Variants in PDE4B observed in about 807,000 individuals in gnomAD.
PDE4B encodes the protein phosphodiesterase 4B.
In PDE4B, 20 loss-of-function variants were observed where a neutral mutation model predicts 82.2. The ratio of observed to expected loss-of-function variants is 0.24; its 90% CI spans 0.17 to 0.35. PDE4B has a LOEUF of 0.35. Ranked by LOEUF, PDE4B falls within the 10% of genes least tolerant of loss-of-function variation. The pLI, the probability that PDE4B is intolerant of heterozygous loss-of-function variation, is 1.00. For synonymous variants in PDE4B, 320 were observed against 318.9 expected (o/e 1.00, Z -0.04); for missense variants, 655 against 907.2 (o/e 0.72, Z 3.57).
chr1:66,173,711 T>A (rs180709062), intron 3 of PDE4B, among the ~76,000 whole-genome samples: 1 of 152,354 alleles, frequency 6.6e-6, no homozygotes, highest in African/African-American at 2.4e-5. Context: ...TCTGTTTTTA[T>A]GTAACTCACT....
chr1:65,914,634 C>A (rs757693191), intron 2 of PDE4B, among the ~76,000 whole-genome samples: 1 of 149,996 alleles, frequency 6.7e-6, no homozygotes, highest in Non-Finnish European at 1.5e-5. Context: ...GTGATTGTCC[C>A]TTAATACTAT....
intron 3 of PDE4B, among the ~76,000 whole-genome samples, chr1:66,155,172 G>C (rs1646478493): frequency 6.6e-6 from 1 of 152,126 alleles, no homozygotes. Flanking sequence ...CTGAAATCAA[G>C]ATGGAAGCCA....
At chr1:65,929,701 T>C (rs1057106203) in intron 3 of PDE4B, among the ~76,000 whole-genome samples, 2 of 152,184 alleles carry the variant, frequency 1.3e-5, no homozygotes, top group Admixed American at 1.3e-4. Context: ...TTCATTACGT[T>C]CCTTGGTTCT....
At chr1:66,091,489 T>C (rs866203189) in intron 3 of PDE4B, among the ~76,000 whole-genome samples, 3 of 152,140 alleles carry the variant, frequency 2.0e-5, no homozygotes, top group Non-Finnish European at 4.4e-5. Context: ...AATTGCAAAG[T>C]AAAATCACAT....
intron 3 of PDE4B, among the ~76,000 whole-genome samples, chr1:65,930,485 G>A (rs954373100): frequency 6.6e-6 from 1 of 152,230 alleles, no homozygotes; most frequent in Non-Finnish European, 1.5e-5. Flanking sequence ...CAGCATTGGG[G>A]GGTCGAGCCC....
chr1:65,826,173 G>A (rs1182193570), intron 1 of PDE4B, among the ~76,000 whole-genome samples: 2 of 152,072 alleles, frequency 1.3e-5, no homozygotes, highest in Admixed American at 6.6e-5. Flanking sequence ...TGGGAACTAG[G>A]TGTATCCATA....
chr1:65,887,686 G>T (rs1223931473), intron 1 of PDE4B, among the ~76,000 whole-genome samples: 1 of 151,682 alleles, frequency 6.6e-6, no homozygotes, highest in Non-Finnish European at 1.5e-5. Context: ...CCAAAATGCT[G>T]GGATTACAGG....
intron 3 of PDE4B, among the ~76,000 whole-genome samples, chr1:66,097,456 T>G (rs1645139192): frequency 6.6e-6 from 1 of 152,146 alleles, no homozygotes; most frequent in African/African-American, 2.4e-5. Flanking sequence ...AAATGTTATT[T>G]GTCTTCTAAT....
chr1:65,914,139 G>T (rs2100461480), intron 2 of PDE4B, among the ~76,000 whole-genome samples: 1 of 152,274 alleles, frequency 6.6e-6, no homozygotes, highest in Admixed American at 6.5e-5. Flanking sequence ...AAGGAAAGAA[G>T]GGAGGGAAGA....
At chr1:65,995,891 T>C in intron 3 of PDE4B, among the ~76,000 whole-genome samples, 1 of 152,220 alleles carries the variant, frequency 6.6e-6, no homozygotes, top group Non-Finnish European at 1.5e-5. Flanking sequence ...AGCTAAACAA[T>C]GCAGAGGATG....
At chr1:66,222,618 T>A (rs1225639499) in intron 3 of PDE4B, among the ~76,000 whole-genome samples, 2 of 152,240 alleles carry the variant, frequency 1.3e-5, no homozygotes, top group African/African-American at 4.8e-5. Flanking sequence ...TTAACAATTA[T>A]GCTGACTAGC....
intron 3 of PDE4B, among the ~76,000 whole-genome samples, chr1:66,228,643 A>AC (rs1557647396): frequency 6.9e-6 from 1 of 145,828 alleles, no homozygotes; most frequent in Non-Finnish European, 1.5e-5. Context: ...AAAAAAAAAA[A>AC]CATGCTATAG....
intron 3 of PDE4B, among the ~76,000 whole-genome samples, chr1:66,047,967 C>T (rs147778184): frequency 6.6e-6 from 1 of 151,926 alleles, no homozygotes; most frequent in Non-Finnish European, 1.5e-5. Context: ...ACAGACGAAT[C>T]ATTTCCACAG....
At chr1:66,127,983 A>C (rs1322069098) in intron 3 of PDE4B, among the ~76,000 whole-genome samples, 1 of 152,172 alleles carries the variant, frequency 6.6e-6, no homozygotes, top group Non-Finnish European at 1.5e-5. Context: ...CAGTGTTTAG[A>C]ATGCTAGATG....
chr1:65,847,177 A>G (rs975387100), intron 1 of PDE4B, among the ~76,000 whole-genome samples: 4 of 152,230 alleles, frequency 2.6e-5, no homozygotes, highest in Non-Finnish European at 4.4e-5. Flanking sequence ...ACAACAATAT[A>G]TAACATGTAT....
At chr1:65,920,037 G>T (rs1425142360) in intron 3 of PDE4B, among the ~76,000 whole-genome samples, 1 of 152,194 alleles carries the variant, frequency 6.6e-6, no homozygotes, top group African/African-American at 2.4e-5. Context: ...AAGAGTCATA[G>T]CCAATCATGG....
At chr1:65,996,434 C>T (rs1046982457) in intron 3 of PDE4B, among the ~76,000 whole-genome samples, 2 of 151,878 alleles carry the variant, frequency 1.3e-5, no homozygotes, top group African/African-American at 2.4e-5. Flanking sequence ...CTGGTGCCAG[C>T]GTTTTCTTTT....
intron 3 of PDE4B, among the ~76,000 whole-genome samples, chr1:66,163,539 T>C (rs1646660604): frequency 6.6e-6 from 1 of 152,184 alleles, no homozygotes; most frequent in Non-Finnish European, 1.5e-5. Flanking sequence ...GTATAGATTC[T>C]TATTTTTCAT....
chr1:66,155,801 C>G (rs1039290060), intron 3 of PDE4B, among the ~76,000 whole-genome samples: 1 of 152,118 alleles, frequency 6.6e-6, no homozygotes, highest in Non-Finnish European at 1.5e-5. Flanking sequence ...CAAATGAGTT[C>G]TCTTTCCAAC....
Sources: allele counts gnomAD v4.1 joint callset (sites outside exome capture counted in the v4.1 genomes callset), GRCh38; gene constraint gnomAD v4.1.1; transcripts MANE v1.5; gene names NCBI Gene and HGNC (gene_info 2026-07-23, HGNC 2026-07-21).